The following MEIG1 variants were observed in gnomAD, a reference collection of about 807,000 sequenced individuals.
MEIG1 encodes meiosis/spermiogenesis associated 1.
A neutral mutation model predicts 11.3 loss-of-function variants in MEIG1; 12 were observed. The ratio of observed to expected loss-of-function variants is 1.07; its 90% CI spans 0.68 to 1.73. The LOEUF (loss-of-function observed/expected upper bound fraction) is 1.73. MEIG1 is among the 40% of genes most tolerant of loss of function. The pLI, the probability that MEIG1 is intolerant of heterozygous loss-of-function variation, is 0.00. For synonymous variants in MEIG1, 41 were observed against 33.2 expected, an observed-to-expected ratio of 1.24 and a Z score of -0.81; for missense variants, 119 against 104.9, an observed-to-expected ratio of 1.13 and a Z score of -0.59.
At chr10:14,966,948 G>T (rs1162348309) in intron 2 of MEIG1, among the ~76,000 whole-genome samples, 3 of 152,104 alleles carry the variant, frequency 2.0e-5, no homozygotes, top group African/African-American at 7.2e-5. Context: ...TGGCCAGGCT[G>T]GTCTTGAACT....
upstream of MEIG1, among the ~76,000 whole-genome samples, chr10:14,956,278 C>T (rs563092770): frequency 2.0e-5 from 3 of 152,234 alleles, no homozygotes; most frequent in East Asian, 5.8e-4. Context: ...CCACTGGATT[C>T]GAGTCTAAAG....
At chr10:14,985,717 T>A (rs1265207948) in intron 1 of MEIG1, among the ~76,000 whole-genome samples, 1 of 151,982 alleles carries the variant, frequency 6.6e-6, no homozygotes, top group Non-Finnish European at 1.5e-5. Context: ...TGACGTGATC[T>A]GCAATACCCT....
upstream of MEIG1, among the ~76,000 whole-genome samples, chr10:14,957,489 G>A (rs192272431): frequency 6.6e-6 from 1 of 152,326 alleles, no homozygotes; most frequent in African/African-American, 2.4e-5. Context: ...GAATGATCCG[G>A]GGCTACAGAG....
chr10:14,976,820 G>A (rs2131279107), downstream of MEIG1, among the ~76,000 whole-genome samples: 1 of 152,128 alleles, frequency 6.6e-6, no homozygotes. Flanking sequence ...TACTGCTAAT[G>A]TCACAGGGCG....
At chr10:14,964,585 G>GTGTGTGTGTATATA (rs1378376059) in intron 1 of MEIG1, among the ~76,000 whole-genome samples, 5 of 93,042 alleles carry the variant, frequency 5.4e-5, no homozygotes, top group African/African-American at 2.0e-4. Context: ...GTGTGTGTGT[G>GTGTGTGTGTATATA]TATATATATA....
intron 2 of MEIG1, among the ~76,000 whole-genome samples, chr10:14,972,167 A>G (rs1843158713): frequency 6.6e-6 from 1 of 151,952 alleles, no homozygotes; most frequent in South Asian, 2.1e-4. Flanking sequence ...GGCACCTACC[A>G]CCACACCCAG....
At chr10:14,979,606 C>A (rs1169394910) in intron 1 of MEIG1, among the ~76,000 whole-genome samples, 2 of 151,712 alleles carry the variant, frequency 1.3e-5, no homozygotes, top group Admixed American at 1.3e-4. Flanking sequence ...ACCCTGGGAT[C>A]TTATTTGTAA....
downstream of MEIG1, among the ~76,000 whole-genome samples, chr10:14,976,176 A>G (rs1285797813): frequency 6.6e-6 from 1 of 152,102 alleles, no homozygotes; most frequent in Non-Finnish European, 1.5e-5. Context: ...TCTTTTCTCT[A>G]CTGCCATCCT....
At chr10:14,979,270 TA>T (rs1843241040) in intron 1 of MEIG1, among the ~76,000 whole-genome samples, 1 of 151,840 alleles carries the variant, frequency 6.6e-6, no homozygotes, top group African/African-American at 2.4e-5. Context: ...CCTGTGATAT[TA>T]CACAGGCTAA....
At chr10:14,986,589 A>G (rs923363517) in intron 1 of MEIG1, among the ~76,000 whole-genome samples, 19 of 152,168 alleles carry the variant, frequency 1.2e-4, no homozygotes, top group African/African-American at 4.6e-4. Flanking sequence ...CCTCCTTTAT[A>G]CTTTCCACCT....
At chr10:14,955,926 A>G (rs1842938353), upstream of MEIG1, among the ~76,000 whole-genome samples, 1 of 152,226 alleles carries the variant, frequency 6.6e-6, no homozygotes, top group South Asian at 2.1e-4. Context: ...CATGGGAACA[A>G]CTGCCCTGGC....
chr10:14,987,319 C>T (rs1241728134), intron 2 of MEIG1: 4 of 806,952 alleles, frequency 5.0e-6, no homozygotes, highest in East Asian at 5.1e-5. Flanking sequence ...TCCTCAGAAC[C>T]ATGACCAGAT....
At chr10:14,963,416 C>CT (rs1488454597) in intron 1 of MEIG1, among the ~76,000 whole-genome samples, 5 of 152,118 alleles carry the variant, frequency 3.3e-5, no homozygotes, top group African/African-American at 4.8e-5. Context: ...TTTAATATTT[C>CT]TTAGAACCTT....
At chr10:14,969,984 G>A (rs1843131183) in intron 2 of MEIG1, among the ~76,000 whole-genome samples, 1 of 152,196 alleles carries the variant, frequency 6.6e-6, no homozygotes, top group African/African-American at 2.4e-5. Context: ...GAAGCACAGG[G>A]ATTTAGAGGA....
intron 2 of MEIG1, among the ~76,000 whole-genome samples, chr10:14,968,066 AGTT>A (rs1843107789): frequency 1.3e-5 from 2 of 152,294 alleles, no homozygotes; most frequent in African/African-American, 4.8e-5. Flanking sequence ...TTATTAACTC[AGTT>A]GTTTATTTTT....
rs138814078 is a variant in MEIG1, at chr10:14,966,503, G to C, written c.35G>C (p.Ser12Thr). 1.2e-6 allele frequency: 2 copies of C among 1,611,708 alleles called. No individual in the cohort carries two copies. The highest frequency in any genetic ancestry group is 1.7e-6 in the Non-Finnish European group (2 of 1,179,130). ...ASSDVKPKSV[S>T]HAKKWSEEIE... Reference sequence around the variant, plus strand: ...TCTGACGTAAAACCAAAATCAGTAAGTCATGCCAAAAAATGGTCAGAAGAG... The same window carrying C: ...TCTGACGTAAAACCAAAATCAGTAACTCATGCCAAAAAATGGTCAGAAGAG... Residue 12 changes from serine to threonine, a missense_variant, in exon 2 of 3, where the codon AGT (serine) becomes ACT (threonine). Ser to Thr is a moderately conservative substitution (Grantham distance 58). Transcript: ENST00000407572.
chr10:14,983,408 C>G (rs551492347), intron 1 of MEIG1, among the ~76,000 whole-genome samples: 66 of 152,026 alleles, frequency 4.3e-4, no homozygotes, highest in African/African-American at 1.5e-3. Flanking sequence ...CTCTGATATT[C>G]TTCCTAGCAG....
At chr10:14,976,290 A>G (rs931825952), downstream of MEIG1, among the ~76,000 whole-genome samples, 6 of 151,862 alleles carry the variant, frequency 4.0e-5, no homozygotes, top group Admixed American at 3.9e-4. Flanking sequence ...TTAATTACAT[A>G]TTATTCATCG....
In MEIG1 at chr10:14,972,740, T is replaced by G. The variant is rs1843167269; in HGVS notation, c.*99T>G. On this transcript the variant is annotated 3_prime_UTR_variant, in exon 3 of 3. Coordinates refer to ENST00000407572, the MANE Select transcript of MEIG1 (RefSeq NM_001080836.3). ...TTTGATGAAATAATTCAAGATGCAG[T>G]CTGCAGTTTAATGTTTTGTGAAACA... 1.7e-6 allele frequency: 2 copies of G among 1,167,558 alleles called. No individual in the cohort carries two copies. The highest frequency in any genetic ancestry group is 2.4e-6 in the Non-Finnish European group (2 of 848,312). The allele number at this position is 1,167,558 out of a possible 1,614,324, so 72.3% of individuals were successfully genotyped here. A position where few individuals can be genotyped will look rare whatever the true frequency, so the allele number is the denominator to read the frequency against.
Sources: gnomAD v4.1 joint callset for allele counts (sites outside exome capture counted in the v4.1 genomes callset) on GRCh38, gnomAD v4.1.1 for gene constraint, MANE v1.5 for transcripts, NCBI Gene and HGNC (gene_info 2026-07-23, HGNC 2026-07-21) for gene names.